PLCB1: variants seen among roughly 807,000 people sequenced by gnomAD.
The protein encoded by PLCB1 is 1-phosphatidylinositol 4,5-bisphosphate phosphodiesterase beta-1.
PLCB1 carries 46 observed loss-of-function variants against 161.8 expected under a neutral mutation model. The observed-to-expected ratio is 0.28, with a 90% CI of 0.22 to 0.36. The LOEUF (loss-of-function observed/expected upper bound fraction) is 0.36. Among genes scored for constraint, PLCB1 ranks in the 10% least tolerant of loss-of-function variants. PLCB1 has a pLI of 1.00. For missense variants in PLCB1, 1,016 were observed against 1,472.5 expected (o/e 0.69, Z 5.07); for synonymous variants, 517 against 503.7 (o/e 1.03, Z -0.35).
intron 23 of PLCB1, among the ~76,000 whole-genome samples, chr20:8,749,019 A>C (rs2123541594): frequency 6.6e-6 from 1 of 152,292 alleles, no homozygotes; most frequent in South Asian, 2.1e-4. Context: ...CAGATTCAGT[A>C]GGTCTGGCAC....
chr20:8,731,693 A>G (rs893938649), intron 18 of PLCB1, among the ~76,000 whole-genome samples: 3 of 152,016 alleles, frequency 2.0e-5, no homozygotes, highest in Non-Finnish European at 4.4e-5. Context: ...ATTTCCTAAT[A>G]TATAATTATC....
Position 8,132,837 on chromosome 20 carries a change from T to C in PLCB1, c.99+87T>C. 1 of 898,878 alleles carries C rather than the reference T, an allele frequency of 1.1e-6. No homozygotes were observed. Among genetic ancestry groups the C allele is most frequent in the Non-Finnish European group, 1.8e-6 (1 of 564,016 alleles). The allele number at this position is 898,878 out of a possible 1,614,324, so 55.7% of individuals were successfully genotyped here. ...TGGGGGTGGGGCAAGGGGCGCGTTA[T>C]GCAATGGGCGCACTGGGAGCGGGCA... On this transcript the variant is annotated intron_variant, in intron 1 of 31. Coordinates refer to ENST00000338037, the MANE Select transcript of PLCB1 (RefSeq NM_015192.4). The surrounding 1 kb of genome is among the most constrained non-coding windows in gnomAD (Gnocchi z 5.2).
At chr20:8,145,631 G>A (rs1369901549) in intron 1 of PLCB1, among the ~76,000 whole-genome samples, 1 of 152,206 alleles carries the variant, frequency 6.6e-6, no homozygotes, top group Non-Finnish European at 1.5e-5. Flanking sequence ...TGCTGGAATT[G>A]TGTGACAAGA....
chr20:8,672,687 A>G (rs1989978109), intron 9 of PLCB1, among the ~76,000 whole-genome samples: 2 of 152,104 alleles, frequency 1.3e-5, no homozygotes, highest in Admixed American at 6.6e-5. Flanking sequence ...TGCCCTATGT[A>G]CTTTTTTCTT....
chr20:8,668,977 C>T (rs901341010), intron 9 of PLCB1, among the ~76,000 whole-genome samples: 7 of 152,162 alleles, frequency 4.6e-5, no homozygotes, highest in African/African-American at 1.2e-4. Flanking sequence ...AATGCAGTTG[C>T]GTGGACACTT....
intron 9 of PLCB1, among the ~76,000 whole-genome samples, chr20:8,661,593 G>T (rs1460660446): frequency 6.6e-6 from 1 of 151,992 alleles, no homozygotes; most frequent in Non-Finnish European, 1.5e-5. Context: ...CCTTAGTAGG[G>T]TCACTTCAGC....
At chr20:8,753,919 C>T (rs1381585542) in intron 23 of PLCB1, among the ~76,000 whole-genome samples, 2 of 152,156 alleles carry the variant, frequency 1.3e-5, no homozygotes, top group African/African-American at 4.8e-5. Context: ...TCTATCATTT[C>T]CACTAACTGC....
intron 11 of PLCB1, among the ~76,000 whole-genome samples, chr20:8,707,915 G>A (rs1002925690): frequency 6.6e-6 from 1 of 152,064 alleles, no homozygotes; most frequent in African/African-American, 2.4e-5. Flanking sequence ...AAGGTGGTCG[G>A]CACAAACAAC....
In PLCB1 at chr20:8,841,078, T is replaced by G. The variant is rs551209528; in HGVS notation, c.3424-40544T>G. ...GTCTCGAACTCCTGACCTCAGGTGA[T>G]CTGCCCATCTTGGCCTCCCAAAGTG... On this transcript the variant is annotated intron_variant, in intron 31 of 31. Coordinates refer to ENST00000338037, the MANE Select transcript of PLCB1 (RefSeq NM_015192.4). 1.4e-3 allele frequency among the ~76,000 whole-genome samples: 219 copies of G among 152,340 alleles called. 1 individual carries two copies. Among genetic ancestry groups the G allele is most frequent in the African/African-American group, 5.0e-3 (207 of 41,564 alleles).
At chr20:8,457,395 G>C (rs1981363529) in intron 3 of PLCB1, among the ~76,000 whole-genome samples, 2 of 152,066 alleles carry the variant, frequency 1.3e-5, no homozygotes, top group Non-Finnish European at 2.9e-5. Flanking sequence ...CGTAATGCCA[G>C]TTGTGTGTCC....
chr20:8,755,783 T>G (rs992167164), intron 23 of PLCB1, among the ~76,000 whole-genome samples: 1 of 152,154 alleles, frequency 6.6e-6, no homozygotes, highest in African/African-American at 2.4e-5. Context: ...CTAAATTATG[T>G]GCTTAGTCAG....
chr20:8,611,893 CT>C (rs762485602), intron 3 of PLCB1, among the ~76,000 whole-genome samples: 78 of 152,194 alleles, frequency 5.1e-4, no homozygotes, highest in Non-Finnish European at 8.5e-4. Context: ...CTACAGTGAG[CT>C]GTGATGGTGC....
chr20:8,527,112 G>C (rs1984615674), intron 3 of PLCB1, among the ~76,000 whole-genome samples: 1 of 152,016 alleles, frequency 6.6e-6, no homozygotes, highest in African/African-American at 2.4e-5. Flanking sequence ...AGCCATACTA[G>C]CCCTGTAAGA....
Position 8,276,998 on chromosome 20 carries a change from A to C in PLCB1, c.178-94384A>C, listed in dbSNP as rs28660546. On this transcript the variant is annotated intron_variant, in intron 2 of 31. Transcript: ENST00000338037. ...TCTTCTTCTTCTTCTTATTATTATT[A>C]TTATTATTATTATTATTGTTAGAGA... Among the ~76,000 whole-genome samples, 707 of 132,078 alleles carry C rather than the reference A, an allele frequency of 5.4e-3. 1 individual carries two copies. The highest frequency in any genetic ancestry group is 8.2e-3 in the East Asian group (35 of 4,264). The allele number at this position is 132,078 out of a possible 152,430, so 86.6% of individuals were successfully genotyped here.
intron 2 of PLCB1, among the ~76,000 whole-genome samples, chr20:8,179,635 T>G (rs1285232713): frequency 6.6e-6 from 1 of 152,156 alleles, no homozygotes; most frequent in Non-Finnish European, 1.5e-5. Context: ...GTCTTTTATT[T>G]CTTTCTCTTG....
intron 3 of PLCB1, among the ~76,000 whole-genome samples, chr20:8,610,699 A>C (rs894665571): frequency 1.3e-5 from 2 of 152,128 alleles, no homozygotes; most frequent in East Asian, 3.9e-4. Context: ...TGTAGCACGA[A>C]GTTTTTGTTT....
In PLCB1 at chr20:8,361,626, G is replaced by C. The variant is rs1411222583; in HGVS notation, c.178-9756G>C. Among the ~76,000 whole-genome samples, 3 of 152,160 alleles carry C rather than the reference G, an allele frequency of 2.0e-5. 1 individual carries two copies. Among genetic ancestry groups the C allele is most frequent in the Admixed American group, 6.5e-5 (1 of 15,268 alleles). On this transcript the variant is annotated intron_variant, in intron 2 of 31. Transcript: ENST00000338037. ...GGTGTGGAGAAATGAAGGCATTTAAGTCCTATAAGCAGATAAGTGATGGAT... is the reference window on the plus strand; with the variant it reads ...GGTGTGGAGAAATGAAGGCATTTAACTCCTATAAGCAGATAAGTGATGGAT...
At chr20:8,780,339 C>T (rs1302673203) in intron 27 of PLCB1, among the ~76,000 whole-genome samples, 1 of 152,116 alleles carries the variant, frequency 6.6e-6, no homozygotes, top group East Asian at 1.9e-4. Flanking sequence ...CAGATGTGCT[C>T]GACCCACCAT....
At chr20:8,143,338 C>T (rs962568374) in intron 1 of PLCB1, among the ~76,000 whole-genome samples, 2 of 152,140 alleles carry the variant, frequency 1.3e-5, no homozygotes, top group African/African-American at 4.8e-5. Flanking sequence ...CCAGCAACCC[C>T]AACTGATGTT....
Sources: gnomAD v4.1 joint callset for allele counts (sites outside exome capture counted in the v4.1 genomes callset) on GRCh38, gnomAD v4.1.1 for gene constraint, Gnocchi (gnomAD v3.1) non-coding constraint, MANE v1.5 for transcripts, NCBI Gene and HGNC (gene_info 2026-07-23, HGNC 2026-07-21) for gene names.